The following CACNB2 variants were observed in gnomAD, a reference collection of about 807,000 sequenced individuals.
CACNB2 encodes the protein voltage-dependent L-type calcium channel subunit beta-2.
A neutral mutation model predicts 73.3 loss-of-function variants in CACNB2; 42 were observed. That is an observed-to-expected ratio of 0.57 (90% CI 0.45 to 0.74). The LOEUF is 0.74. Ranked by LOEUF, CACNB2 falls within the 30% of genes least tolerant of loss-of-function variation. The pLI, the probability that CACNB2 is intolerant of heterozygous loss-of-function variation, is 0.00. For missense variants in CACNB2, 940 were observed against 853.0 expected (o/e 1.10, Z -1.27); for synonymous variants, 348 against 310.3 (o/e 1.12, Z -1.28).
chr10:18,460,085 T>A (rs1175826463), intron 3 of CACNB2, among the ~76,000 whole-genome samples: 2 of 152,260 alleles, frequency 1.3e-5, no homozygotes, highest in Admixed American at 1.3e-4. Flanking sequence ...TGTATGTATA[T>A]GTCCATACAT....
chr10:18,395,446 T>TA (rs968017439), intron 2 of CACNB2, among the ~76,000 whole-genome samples: 22 of 151,684 alleles, frequency 1.5e-4, no homozygotes, highest in South Asian at 2.1e-4. Context: ...TGGTGCCTTT[T>TA]AAAAAAAAAT....
intron 1 of CACNB2, among the ~76,000 whole-genome samples, chr10:18,145,960 T>TTCCTCCC (rs1272014157): frequency 1.3e-5 from 2 of 152,090 alleles, no homozygotes; most frequent in African/African-American, 4.8e-5. Context: ...GGCCTCCTCC[T>TTCCTCCC]TCCTCCCTCC....
intron 3 of CACNB2, among the ~76,000 whole-genome samples, chr10:18,494,256 C>T (rs1337819558): frequency 6.6e-6 from 1 of 152,156 alleles, no homozygotes; most frequent in East Asian, 1.9e-4. Flanking sequence ...GGTCTTCTGT[C>T]GAGTCAGGCA....
chr10:18,534,331 T>TAGAGA, intron 11 of CACNB2, 104 bp downstream of exon 11: 1 of 1,025,616 alleles, frequency 9.8e-7, no homozygotes, highest in East Asian at 2.4e-5. Context: ...TTATGATGTA[T>TAGAGA]AGAGAATTTG....
At chr10:18,420,747 C>G (rs985633131) in intron 3 of CACNB2, among the ~76,000 whole-genome samples, 4 of 152,188 alleles carry the variant, frequency 2.6e-5, no homozygotes, top group African/African-American at 9.7e-5. Flanking sequence ...CCATCACAGT[C>G]AGCTAATTGA....
At chr10:18,501,396 G>T (rs1329542985) in intron 5 of CACNB2, among the ~76,000 whole-genome samples, 1 of 152,192 alleles carries the variant, frequency 6.6e-6, no homozygotes, top group Admixed American at 6.5e-5. Flanking sequence ...TTTCACCTGA[G>T]AAACTCAATT....
chr10:18,479,492 T>C (rs1485125516), intron 3 of CACNB2, among the ~76,000 whole-genome samples: 1 of 152,140 alleles, frequency 6.6e-6, no homozygotes, highest in Non-Finnish European at 1.5e-5. Flanking sequence ...GACAAATTGT[T>C]GAGATTGTCT....
At position 18,409,775 on chromosome 10, in the gene CACNB2, G is replaced by C. The variant is rs868451487; in HGVS notation, c.333+7732G>C. Among the ~76,000 whole-genome samples the C allele has an allele frequency of 3.3e-5, 5 of 152,266 alleles. No homozygotes were observed. The South Asian group carries it at 1.0e-3, about 32-fold the overall frequency. On this transcript the variant is annotated intron_variant, in intron 3 of 13. Coordinates refer to ENST00000324631, the MANE Select transcript of CACNB2 (RefSeq NM_201596.3). ...CAATGCCCCAGAGAGGACTCCCCCA[G>C]TCTCCTGTCTTGCTCTATTGGACCG... is the stretch of plus-strand genomic sequence containing the variant.
chr10:18,424,339 C>T (rs1337359786), intron 3 of CACNB2, among the ~76,000 whole-genome samples: 2 of 152,196 alleles, frequency 1.3e-5, no homozygotes, highest in Non-Finnish European at 2.9e-5. Flanking sequence ...CGTATTCATA[C>T]GCACTTTCAA....
Position 18,381,382 on chromosome 10 carries a change from G to T in CACNB2, c.214-20542G>T, listed in dbSNP as rs1384410337. On this transcript the variant is annotated intron_variant, in intron 2 of 13. Transcript: ENST00000324631. ...AAGCATGTGTATGCCCTATGATCCA[G>T]GTGTCAAAAGACATGTATAAGAATG... 3.3e-5 allele frequency among the ~76,000 whole-genome samples: 5 copies of T among 151,850 alleles called. No homozygotes were observed. In the South Asian group the frequency reaches 1.0e-3, roughly 32 times the overall value.
At chr10:18,326,120 T>A (rs541302265) in intron 2 of CACNB2, among the ~76,000 whole-genome samples, 4 of 152,112 alleles carry the variant, frequency 2.6e-5, no homozygotes, top group Admixed American at 2.6e-4. Flanking sequence ...TCAAGATAAA[T>A]CATTAACAGA....
chr10:18,460,764 C>T (rs940908902), intron 3 of CACNB2, among the ~76,000 whole-genome samples: 5 of 151,804 alleles, frequency 3.3e-5, no homozygotes, highest in Non-Finnish European at 4.4e-5. Context: ...GTAGGGCACA[C>T]CTGTGGCCCC....
chr10:18,237,984 C>A (rs890924261), intron 2 of CACNB2, among the ~76,000 whole-genome samples: 2 of 152,182 alleles, frequency 1.3e-5, no homozygotes, highest in Non-Finnish European at 2.9e-5. Context: ...TTCTGCTCCC[C>A]ACTCTCTCTC....
intron 2 of CACNB2, among the ~76,000 whole-genome samples, chr10:18,393,190 C>CAGAG: frequency 1.2e-5 from 1 of 80,914 alleles, no homozygotes; most frequent in African/African-American, 4.0e-5. Flanking sequence ...GCCTGGATGA[C>CAGAG]TCCATGTCAA....
chr10:18,250,679 T>C (rs1253739002), intron 2 of CACNB2, among the ~76,000 whole-genome samples: 2 of 152,234 alleles, frequency 1.3e-5, no homozygotes, highest in Admixed American at 6.5e-5. Flanking sequence ...TACAGCCTAG[T>C]GGTAGAATCA....
At chr10:18,514,508 T>C (rs1157849695) in intron 7 of CACNB2, 139 bp downstream of exon 7, 2 of 1,613,962 alleles carry the variant, frequency 1.2e-6, no homozygotes, top group African/African-American at 2.7e-5. Flanking sequence ...CATGCTGCTG[T>C]AGCTAAGCAG....
At position 18,534,240 on chromosome 10, in the gene CACNB2, GCTA is replaced by G; in HGVS notation, c.1206+16_1206+18del. Reference sequence around the variant, plus strand: ...TTCTTCTCCTAAGGTAAGTAGGACTGCTACTGTTTGCTCTATAATCAAACTTTC... The same window carrying G: ...TTCTTCTCCTAAGGTAAGTAGGACTGCTGTTTGCTCTATAATCAAACTTTC... On this transcript the variant is annotated intron_variant, in intron 11 of 13. Coordinates refer to ENST00000324631, the MANE Select transcript of CACNB2 (RefSeq NM_201596.3). 6.2e-7 allele frequency: 1 copy of G among 1,600,598 alleles called. No individual in the cohort carries two copies. Among genetic ancestry groups the G allele is most frequent in the African/African-American group, 1.3e-5 (1 of 74,774 alleles).
chr10:18,439,392 T>C (rs1043838496), intron 3 of CACNB2, among the ~76,000 whole-genome samples: 5 of 152,178 alleles, frequency 3.3e-5, no homozygotes, highest in Non-Finnish European at 5.9e-5. Flanking sequence ...AGGGAAAATT[T>C]GAGTCCTGGT....
At chr10:18,305,338 G>A (rs187457787) in intron 2 of CACNB2, among the ~76,000 whole-genome samples, 1 of 152,290 alleles carries the variant, frequency 6.6e-6, no homozygotes, top group East Asian at 1.9e-4. Context: ...TAAACTGAAG[G>A]ACCCTGAAGC....
Sources: allele counts gnomAD v4.1 joint callset (sites outside exome capture counted in the v4.1 genomes callset), GRCh38; gene constraint gnomAD v4.1.1; transcripts MANE v1.5; gene names NCBI Gene and HGNC (gene_info 2026-07-23, HGNC 2026-07-21).